GRWD1: variants seen among roughly 807,000 people sequenced by gnomAD.
The protein encoded by GRWD1 is glutamate rich WD repeat containing 1, also known as glutamate-rich WD repeat-containing protein 1.
GRWD1 carries 29 observed loss-of-function variants against 45.3 expected under a neutral mutation model. That is an observed-to-expected ratio of 0.64 (90% CI 0.48 to 0.87). The LOEUF is 0.87. Ranked by LOEUF, GRWD1 falls within the 40% of genes least tolerant of loss-of-function variation. The pLI is 0.00. For missense variants in GRWD1, 592 were observed against 618.8 expected (o/e 0.96, Z 0.46); for synonymous variants, 262 against 257.6 (o/e 1.02, Z -0.16).
In GRWD1 at chr19:48,451,244, C is replaced by A; in HGVS notation, c.1023+13C>A. 6.4e-7 allele frequency: 1 copy of A among 1,559,180 alleles called. No homozygotes were observed. ...TCGGCAGTTCAAGGTATTTTCCCAG[C>A]CGGACACCTGGGGGCTAGAGAAGCT... On this transcript the variant is annotated intron_variant, in intron 6 of 6. Transcript: ENST00000253237.
At position 48,450,916 on chromosome 19, in the gene GRWD1, G is replaced by C; in HGVS notation, c.825+108G>C. 1 of 1,507,200 alleles carries C rather than the reference G, an allele frequency of 6.6e-7. No homozygotes were observed. 93.4% of individuals were successfully genotyped at this position (1,507,200 alleles called of 1,614,324 possible). The stretch of plus-strand genomic sequence containing the variant: ...GGGCTGGGAGCCTGACGGAGGTTTA[G>C]TTTCCAGGCCAAGTCATAGTAAGGG... On this transcript the variant is annotated intron_variant, in intron 5 of 6. Transcript: ENST00000253237. The surrounding 1 kb of genome is among the most constrained non-coding windows in gnomAD (Gnocchi z 5.1).
chr19:48,446,135 G>T lies in GRWD1; in HGVS notation c.130G>T (p.Gly44Trp). Residue 44 changes from glycine (G) to tryptophan (W), a missense_variant, in exon 1 of 7, where the codon GGG (glycine) becomes TGG (tryptophan). By Grantham distance (184) the Gly-to-Trp change is radical. Coordinates refer to ENST00000253237, the MANE Select transcript of GRWD1 (RefSeq NM_031485.4). The stretch of plus-strand genomic sequence containing the variant: ...CGGCCGGGGGCCGCCGCTACGCGAA[G>T]GGGAGGAGCTGGTCATGGACGAGGA... ...LPGRGPPLREGEELVMDEEAY... is the reference protein window; with the variant it reads ...LPGRGPPLREWEELVMDEEAY... 6.2e-7 allele frequency: 1 copy of T among 1,608,016 alleles called. No homozygotes were observed.
chr19:48,452,085 T>G lies in GRWD1; in HGVS notation c.1024-623T>G, dbSNP rs1971481116. ...CTCTGGGAGAGCCATGCCCTCCTTT[T>G]TTTCTTTTTTTTTTTTTTTTTCTTT... On this transcript the variant is annotated intron_variant, in intron 6 of 6. Coordinates refer to ENST00000253237, the MANE Select transcript of GRWD1 (RefSeq NM_031485.4). This position sits in a 1 kb window ranked among gnomAD's most constrained non-coding sequence, Gnocchi z 5.1. 2.8e-5 allele frequency among the ~76,000 whole-genome samples: 1 copy of G among 36,042 alleles called. No homozygotes were observed. The allele number at this position is 36,042 out of a possible 152,430, so 23.6% of individuals were successfully genotyped here. A position where few individuals can be genotyped will look rare whatever the true frequency, so the allele number is the denominator to read the frequency against.
Position 48,446,210 on chromosome 19 carries a change from C to T in GRWD1, c.187+18C>T, listed in dbSNP as rs765159795. 1.6e-5 allele frequency: 25 copies of T among 1,588,134 alleles called. No individual in the cohort carries two copies. The South Asian group carries it at 2.4e-4, about 15-fold the overall frequency. ...GCAGACTGGTAGGGCTGAGTCCGGA[C>T]TCCAGGGTCCTGAGGTGGCTGATCC... On this transcript the variant is annotated intron_variant, in intron 1 of 6. Transcript: ENST00000253237.
In GRWD1 at chr19:48,453,129, C is replaced by T; in HGVS notation, c.*104C>T. The T allele has an allele frequency of 2.0e-6, 2 of 1,012,608 alleles. No individual in the cohort carries two copies. Among genetic ancestry groups the T allele is most frequent in the South Asian group, 1.6e-5 (1 of 61,870 alleles). The allele number at this position is 1,012,608 out of a possible 1,614,324, so 62.7% of individuals were successfully genotyped here. On this transcript the variant is annotated 3_prime_UTR_variant, in exon 7 of 7. Transcript: ENST00000253237. ...GGTCTGTTGACTGAGACTGGCCGGCCTGTGGGCTGCCGTGATGGATTCTGT... is the reference window on the plus strand; with the variant it reads ...GGTCTGTTGACTGAGACTGGCCGGCTTGTGGGCTGCCGTGATGGATTCTGT...
intron 3 of GRWD1, among the ~76,000 whole-genome samples, chr19:48,447,244 TTTG>T (rs1971420664): frequency 6.6e-6 from 1 of 151,714 alleles, no homozygotes; most frequent in African/African-American, 2.4e-5. Flanking sequence ...CTTCTAATTT[TTTG>T]TTTTTTGGTT....
Position 48,453,156 on chromosome 19 carries a change from T to A in GRWD1, c.*131T>A, listed in dbSNP as rs1310835633. The A allele has an allele frequency of 2.6e-6, 2 of 772,546 alleles. No individual in the cohort carries two copies. Among genetic ancestry groups the A allele is most frequent in the African/African-American group, 1.7e-5 (1 of 57,278 alleles). 47.9% of individuals were successfully genotyped at this position (772,546 alleles called of 1,614,324 possible). The stretch of plus-strand genomic sequence containing the variant: ...GTGGGCTGCCGTGATGGATTCTGTT[T>A]GACGTATTGTTCTCTAGAAGGCCTG... On this transcript the variant is annotated 3_prime_UTR_variant, in exon 7 of 7. Coordinates refer to ENST00000253237, the MANE Select transcript of GRWD1 (RefSeq NM_031485.4).
At position 48,450,026 on chromosome 19, in the gene GRWD1, C is replaced by T. The variant is rs988518436; in HGVS notation, c.469-287C>T. ...AGGAGCCTGAACACCCTCCCAAGGG[C>T]TGGTGGGAATTGCAGCCTCAACTCC... is the stretch of plus-strand genomic sequence containing the variant. On this transcript the variant is annotated intron_variant, in intron 3 of 6. Transcript: ENST00000253237. The surrounding 1 kb of genome is among the most constrained non-coding windows in gnomAD (Gnocchi z 5.1). Among the ~76,000 whole-genome samples the T allele has an allele frequency of 1.3e-5, 2 of 152,016 alleles. No homozygotes were observed. Among genetic ancestry groups the T allele is most frequent in the Non-Finnish European group, 1.5e-5 (1 of 67,994 alleles).
At chr19:48,451,810 C>A (rs572254941) in intron 6 of GRWD1, among the ~76,000 whole-genome samples, 2 of 152,132 alleles carry the variant, frequency 1.3e-5, no homozygotes, top group African/African-American at 4.8e-5. Context: ...CCAGTTTGAT[C>A]GTTTCTATAG....
At position 48,450,681 on chromosome 19, in the gene GRWD1, G is replaced by C. The variant is rs756383763; in HGVS notation, c.698G>C (p.Gly233Ala). 2.5e-6 allele frequency: 4 copies of C among 1,613,910 alleles called. No homozygotes were observed. The Admixed American group carries it at 6.7e-5, about 27-fold the overall frequency. ...SPRVTGRLLT[G>A]DCQKNIHLWT... ...CCTTCCCCAGGTCGCCTGCTGACCGGTGACTGTCAAAAGAACATCCACCTC... is the reference window on the plus strand; with the variant it reads ...CCTTCCCCAGGTCGCCTGCTGACCGCTGACTGTCAAAAGAACATCCACCTC... Residue 233 changes from glycine (G) to alanine (A), a missense_variant, in exon 5 of 7, where the codon GGT (glycine) becomes GCT (alanine). Transcript: ENST00000253237. The surrounding 1 kb of genome is among the most constrained non-coding windows in gnomAD (Gnocchi z 5.1).
In GRWD1 at chr19:48,445,992, G is replaced by C. The variant is rs946684587; in HGVS notation, c.-14G>C. ...GACGCTCTTACCGGGTGTCAGCAGC[G>C]AGAGGGTTCGAAGATGGCGGCGCGC... On this transcript the variant is annotated 5_prime_UTR_variant, in exon 1 of 7. Transcript: ENST00000253237. The C allele has an allele frequency of 7.6e-6, 12 of 1,571,652 alleles. No homozygotes were observed. The highest frequency in any genetic ancestry group is 1.0e-5 in the Non-Finnish European group (12 of 1,160,046).
rs904310118 is a variant in GRWD1 at position 48,455,771 on chromosome 19, C to T, written c.*2746C>T. The T allele has an allele frequency of 6.6e-6, 1 of 152,264 alleles. No homozygotes were observed. The highest frequency in any genetic ancestry group is 1.5e-5 in the Non-Finnish European group (1 of 68,096). The allele number at this position is 152,264 out of a possible 1,614,324, so 9.4% of individuals were successfully genotyped here. ...GCATTCCCCCTGGCACTGCGGGGGCCTGGCCAGCTCATGGCGTTCCCTGAG... is the reference window on the plus strand; with the variant it reads ...GCATTCCCCCTGGCACTGCGGGGGCTTGGCCAGCTCATGGCGTTCCCTGAG... On this transcript the variant is annotated 3_prime_UTR_variant, in exon 7 of 7. Coordinates refer to ENST00000253237, the MANE Select transcript of GRWD1 (RefSeq NM_031485.4).
rs868453829 is a variant in GRWD1, at chr19:48,450,153, A to G, written c.469-160A>G. On this transcript the variant is annotated intron_variant, in intron 3 of 6. Coordinates refer to ENST00000253237, the MANE Select transcript of GRWD1 (RefSeq NM_031485.4). The surrounding 1 kb of genome is among the most constrained non-coding windows in gnomAD (Gnocchi z 5.1). Reference sequence around the variant, plus strand: ...ACCATGCTGGTTTTTGCAGGTTGTGATTTTCTTCCCACAGAGGTTTCAAGG... The same window carrying G: ...ACCATGCTGGTTTTTGCAGGTTGTGGTTTTCTTCCCACAGAGGTTTCAAGG... Among the ~76,000 whole-genome samples, 2 of 143,910 alleles carry G rather than the reference A, an allele frequency of 1.4e-5. No individual in the cohort carries two copies. The highest frequency in any genetic ancestry group is 3.4e-3 in the Middle Eastern group (1 of 292). 94.4% of individuals were successfully genotyped at this position (143,910 alleles called of 152,430 possible).
chr19:48,447,071 ATTTT>A (rs869052120), intron 3 of GRWD1, among the ~76,000 whole-genome samples: 1 of 19,310 alleles, frequency 5.2e-5, no homozygotes, highest in African/African-American at 7.6e-5. Context: ...TGCCTGGCCC[ATTTT>A]TTTTTTTTTT....
intron 3 of GRWD1, among the ~76,000 whole-genome samples, chr19:48,448,864 A>T (rs530103200): frequency 6.6e-6 from 1 of 152,120 alleles, no homozygotes; most frequent in Non-Finnish European, 1.5e-5. Context: ...CGGCCACTGT[A>T]AGGACTCCAG....
At chr19:48,449,445 A>C (rs1971446430) in intron 3 of GRWD1, among the ~76,000 whole-genome samples, 1 of 152,216 alleles carries the variant, frequency 6.6e-6, no homozygotes, top group Non-Finnish European at 1.5e-5. Flanking sequence ...ATGAGGACCA[A>C]GAATGAGTTC....
rs192002056 is a variant in GRWD1, at chr19:48,450,969, G to A, written c.826-65G>A. The stretch of plus-strand genomic sequence containing the variant: ...ACAGTGAAAGAGAGAGTAGCCCACC[G>A]CTGGCGCTTGGGCTTCACTGCGGGC... On this transcript the variant is annotated intron_variant, in intron 5 of 6. Transcript: ENST00000253237. This position sits in a 1 kb window ranked among gnomAD's most constrained non-coding sequence, Gnocchi z 5.1. 77 of 1,542,734 alleles carry A rather than the reference G, an allele frequency of 5.0e-5. No individual in the cohort carries two copies. The Middle Eastern group carries it at 5.7e-4, about 11-fold the overall frequency.
chr19:48,447,480 A>G (rs1425756732), intron 3 of GRWD1, among the ~76,000 whole-genome samples: 1 of 150,748 alleles, frequency 6.6e-6, no homozygotes, highest in Non-Finnish European at 1.5e-5. Flanking sequence ...TGACCTCGTG[A>G]TCCGCCTGCC....
intron 3 of GRWD1, among the ~76,000 whole-genome samples, chr19:48,447,484 G>T (rs566871419): frequency 2.3e-4 from 35 of 151,224 alleles, no homozygotes; most frequent in African/African-American, 8.0e-4. Context: ...CTCGTGATCC[G>T]CCTGCCTCGG....
Sources: allele counts gnomAD v4.1 joint callset (sites outside exome capture counted in the v4.1 genomes callset), GRCh38; gene constraint gnomAD v4.1.1; non-coding constraint Gnocchi (gnomAD v3.1); transcripts MANE v1.5; gene names NCBI Gene and HGNC (gene_info 2026-07-23, HGNC 2026-07-21).